The following NRG3 variants were observed in gnomAD, a reference collection of about 807,000 sequenced individuals.
NRG3 encodes neuregulin 3.
Under a neutral mutation model 66.9 loss-of-function variants are expected in NRG3, and 31 were observed. That is an observed-to-expected ratio of 0.46 (90% CI 0.35 to 0.63). The LOEUF is 0.63. Ranked by LOEUF, NRG3 falls within the 20% of genes least tolerant of loss-of-function variation. The pLI is 0.00. For synonymous variants in NRG3, 393 were observed against 359.4 expected (o/e 1.09, Z -1.06); for missense variants, 910 against 878.9 (o/e 1.04, Z -0.45).
intron 3 of NRG3, among the ~76,000 whole-genome samples, chr10:82,797,208 T>C (rs2135410848): frequency 6.6e-6 from 1 of 152,334 alleles, no homozygotes; most frequent in Non-Finnish European, 1.5e-5. Flanking sequence ...CTGCAGCTAC[T>C]GCTTCCTGCT....
intron 4 of NRG3, among the ~76,000 whole-genome samples, chr10:82,913,361 T>A (rs913669806): frequency 6.6e-6 from 1 of 152,148 alleles, no homozygotes; most frequent in South Asian, 2.1e-4. Flanking sequence ...AAATAAACAT[T>A]TTATTTTACC....
intron 2 of NRG3, among the ~76,000 whole-genome samples, chr10:82,441,359 G>T (rs2090423412): frequency 6.6e-6 from 1 of 152,240 alleles, no homozygotes; most frequent in Non-Finnish European, 1.5e-5. Context: ...ATCTGTGATG[G>T]AGGGAGGATG....
At chr10:81,880,051 A>G (rs1564628480) in intron 1 of NRG3, among the ~76,000 whole-genome samples, 1 of 152,166 alleles carries the variant, frequency 6.6e-6, no homozygotes, top group Non-Finnish European at 1.5e-5. Context: ...ACAGGCTGCA[A>G]CCTGAGTATG....
At chr10:82,230,962 G>A (rs2076426613) in intron 1 of NRG3, among the ~76,000 whole-genome samples, 1 of 152,170 alleles carries the variant, frequency 6.6e-6, no homozygotes, top group African/African-American at 2.4e-5. Context: ...AATGCAGTAA[G>A]AGAAGTGATT....
chr10:82,392,248 T>A (rs900324437), intron 2 of NRG3, among the ~76,000 whole-genome samples: 13 of 152,134 alleles, frequency 8.5e-5, no homozygotes, highest in Non-Finnish European at 1.6e-4. Flanking sequence ...CATGCTTCTG[T>A]GATAAAGCGA....
rs12573069 is a variant in NRG3, at chr10:82,567,588, T to G, written c.954-170989T>G. ...TTTGCTTTGCTTGTTCAAAGCTGTC[T>G]CTAATAGCTCAGCTAAGGAGATAAT... On this transcript the variant is annotated intron_variant, in intron 2 of 8. Transcript: ENST00000372141. Among the ~76,000 whole-genome samples the G allele has an allele frequency of 1.3e-4, 20 of 152,108 alleles. No homozygotes were observed. In the East Asian group the frequency reaches 3.9e-3, roughly 29 times the overall value.
intron 3 of NRG3, among the ~76,000 whole-genome samples, chr10:82,847,962 G>A (rs992124297): frequency 5.3e-5 from 8 of 152,096 alleles, no homozygotes; most frequent in African/African-American, 1.2e-4. Context: ...ATTTTATTGC[G>A]AGATATCAGA....
At chr10:82,242,653 T>C (rs371665408) in intron 1 of NRG3, among the ~76,000 whole-genome samples, 2 of 152,148 alleles carry the variant, frequency 1.3e-5, no homozygotes, top group South Asian at 4.1e-4. Context: ...TAATTACTTG[T>C]ATTGTAGAAG....
intron 2 of NRG3, among the ~76,000 whole-genome samples, chr10:82,705,864 A>G (rs944834344): frequency 1.3e-5 from 2 of 152,208 alleles, no homozygotes; most frequent in Non-Finnish European, 2.9e-5. Flanking sequence ...TAGAATTTAT[A>G]TGGAGCCTAT....
intron 4 of NRG3, among the ~76,000 whole-genome samples, chr10:82,887,924 C>T (rs1173919416): frequency 6.6e-6 from 1 of 152,172 alleles, no homozygotes; most frequent in Non-Finnish European, 1.5e-5. Context: ...GACTGGCACT[C>T]TAGTTATTGT....
chr10:82,685,272 C>T (rs1480632731), intron 2 of NRG3, among the ~76,000 whole-genome samples: 1 of 152,140 alleles, frequency 6.6e-6, no homozygotes, highest in African/African-American at 2.4e-5. Context: ...AGCAGATGCA[C>T]TGTGTAAGTG....
intron 4 of NRG3, among the ~76,000 whole-genome samples, chr10:82,880,734 C>T (rs1034890689): frequency 6.6e-6 from 1 of 152,094 alleles, no homozygotes; most frequent in Non-Finnish European, 1.5e-5. Context: ...TGCAGGACAC[C>T]CACATAAATT....
chr10:81,884,392 A>G (rs983810194), intron 1 of NRG3, among the ~76,000 whole-genome samples: 2 of 152,210 alleles, frequency 1.3e-5, no homozygotes, highest in African/African-American at 4.8e-5. Flanking sequence ...TAAAAGATAA[A>G]GAATATGTTG....
chr10:82,524,621 C>G (rs898755605), intron 2 of NRG3, among the ~76,000 whole-genome samples: 1 of 151,938 alleles, frequency 6.6e-6, no homozygotes, highest in African/African-American at 2.4e-5. Context: ...TATATATTCA[C>G]TGAGTTCCAG....
chr10:82,245,260 G>A (rs191589749), intron 1 of NRG3, among the ~76,000 whole-genome samples: 105 of 152,132 alleles, frequency 6.9e-4, no homozygotes, highest in African/African-American at 2.3e-3. Context: ...TTCACAATAG[G>A]GTTCTCACTC....
chr10:82,713,889 C>G (rs1032103461), intron 2 of NRG3, among the ~76,000 whole-genome samples: 1 of 152,104 alleles, frequency 6.6e-6, no homozygotes, highest in African/African-American at 2.4e-5. Context: ...TGCCACAAAA[C>G]AGTAGTCATT....
chr10:82,836,115 T>C (rs2062762101), intron 3 of NRG3, among the ~76,000 whole-genome samples: 1 of 152,304 alleles, frequency 6.6e-6, no homozygotes, highest in South Asian at 2.1e-4. Context: ...TCAGTGTCTG[T>C]AAATAAAAAG....
At chr10:82,754,176 C>G (rs960807103) in intron 3 of NRG3, among the ~76,000 whole-genome samples, 1 of 151,536 alleles carries the variant, frequency 6.6e-6, no homozygotes, top group Non-Finnish European at 1.5e-5. Flanking sequence ...ATGTCATATT[C>G]TTATAAATGA....
chr10:82,431,686 A>G (rs546011287), intron 2 of NRG3, among the ~76,000 whole-genome samples: 1 of 152,176 alleles, frequency 6.6e-6, no homozygotes, highest in Admixed American at 6.5e-5. Flanking sequence ...GCCTACTCAC[A>G]AATATCTTTG....
Sources: allele counts gnomAD v4.1 joint callset (sites outside exome capture counted in the v4.1 genomes callset), GRCh38; gene constraint gnomAD v4.1.1; transcripts MANE v1.5; gene names NCBI Gene and HGNC (gene_info 2026-07-23, HGNC 2026-07-21).